ENDOV: variants seen among roughly 807,000 people sequenced by gnomAD.
The protein encoded by ENDOV is hEndoV.
A neutral mutation model predicts 39.4 loss-of-function variants in ENDOV; 37 were observed. That is an observed-to-expected ratio of 0.94 (90% CI 0.72 to 1.23). ENDOV has a LOEUF of 1.23. Ranked by LOEUF, ENDOV falls within the 50% of genes most tolerant of loss-of-function variation. The pLI is 0.00. For synonymous variants in ENDOV, 186 were observed against 163.4 expected, an observed-to-expected ratio of 1.14 and a Z score of -1.05; for missense variants, 441 against 375.7, an observed-to-expected ratio of 1.17 and a Z score of -1.44.
intron 9 of ENDOV, among the ~76,000 whole-genome samples, chr17:80,432,775 G>A (rs2083406668): frequency 6.6e-6 from 1 of 152,072 alleles, no homozygotes; most frequent in Non-Finnish European, 1.5e-5. Flanking sequence ...ATGGGGGCGT[G>A]TGGGGGTCTA....
chr17:80,426,815 C>T (rs1349721773), intron 7 of ENDOV, among the ~76,000 whole-genome samples: 1 of 152,248 alleles, frequency 6.6e-6, no homozygotes, highest in African/African-American at 2.4e-5. Flanking sequence ...GGGGCGCCCG[C>T]AGATTGGCCT....
chr17:80,421,177 AGGTCCC>A (rs2081967754), intron 2 of ENDOV, among the ~76,000 whole-genome samples: 1 of 151,800 alleles, frequency 6.6e-6, no homozygotes, highest in African/African-American at 2.4e-5. Flanking sequence ...CCTATGGACC[AGGTCCC>A]GGAGGCTCCT....
At chr17:80,430,082 C>T in intron 9 of ENDOV, 1 of 1,535,622 alleles carries the variant, frequency 6.5e-7, no homozygotes, top group Non-Finnish European at 8.7e-7. Context: ...CCGCACCACC[C>T]CAGGGGGACG....
At chr17:80,428,710 T>G in intron 8 of ENDOV, 50 bp downstream of exon 8, 1 of 1,520,762 alleles carries the variant, frequency 6.6e-7, no homozygotes, top group Non-Finnish European at 8.9e-7. Context: ...CACAGACACC[T>G]GCATGGGCTG....
At chr17:80,417,596 T>C (rs1466186556) in intron 2 of ENDOV, 1 of 152,254 alleles carries the variant, frequency 6.6e-6, no homozygotes, top group African/African-American at 2.4e-5. Flanking sequence ...TGTTCTCACA[T>C]GGTGATCCAC....
intron 9 of ENDOV, among the ~76,000 whole-genome samples, chr17:80,432,223 C>G (rs758093521): frequency 3.3e-5 from 5 of 152,230 alleles, no homozygotes; most frequent in Non-Finnish European, 7.4e-5. Context: ...ACACATAGGT[C>G]TCTTGCCCAG....
rs2083600894 is a variant in ENDOV at position 80,436,534 on chromosome 17, G to A, written c.*391G>A. ...TTCTGGCCTCTATTGAAAAGATCCT[G>A]TGTTCTTCTGTGAATATGAGGTGTT... On this transcript the variant is annotated 3_prime_UTR_variant, in exon 10 of 10. Coordinates refer to ENST00000518137, the MANE Select transcript of ENDOV (RefSeq NM_173627.5). The A allele has an allele frequency of 7.5e-6, 3 of 402,332 alleles. No homozygotes were observed. The highest frequency in any genetic ancestry group is 1.3e-5 in the Non-Finnish European group (3 of 232,878). The allele number at this position is 402,332 out of a possible 1,614,324, so 24.9% of individuals were successfully genotyped here.
intron 9 of ENDOV, among the ~76,000 whole-genome samples, chr17:80,435,003 T>C (rs1012691899): frequency 6.6e-6 from 1 of 152,212 alleles, no homozygotes; most frequent in African/African-American, 2.4e-5. Flanking sequence ...CTAATGGTGG[T>C]GAGCGCCTTC....
Position 80,436,293 on chromosome 17 carries a change from G to A in ENDOV, c.*150G>A, listed in dbSNP as rs1254194117. The A allele has an allele frequency of 1.8e-5, 28 of 1,556,198 alleles. No individual in the cohort carries two copies. In the African/African-American group the frequency reaches 2.9e-4, roughly 16 times the overall value. ...ATCGAACGCGGTGGTGAGAGCACAC[G>A]TCCTCGTCTCGTTCCTGATCGAACG... On this transcript the variant is annotated 3_prime_UTR_variant, in exon 10 of 10. Transcript: ENST00000518137.
At chr17:80,421,265 G>GGGAATCCTACAGACCAGGTCCCA (rs1568217449) in intron 2 of ENDOV, among the ~76,000 whole-genome samples, 1 of 39,250 alleles carries the variant, frequency 2.5e-5, no homozygotes. Context: ...ACTAGATCCC[G>GGGAATCCTACAGACCAGGTCCCA]GGGAATCTTC....
At chr17:80,434,191 C>CCTGCTGTGGGCGCCATGCAGGT (rs2083478915) in intron 9 of ENDOV, among the ~76,000 whole-genome samples, 1 of 151,978 alleles carries the variant, frequency 6.6e-6, no homozygotes. Context: ...GCCATGCAGG[C>CCTGCTGTGGGCGCCATGCAGGT]GTGGAATCAC....
chr17:80,419,410 T>C, intron 2 of ENDOV: 2 of 601,052 alleles, frequency 3.3e-6, no homozygotes, highest in Non-Finnish European at 3.0e-6. Flanking sequence ...GGCTGGTGTG[T>C]GCTGCTCCGC....
intron 2 of ENDOV, chr17:80,417,602 TC>T (rs761529198): frequency 6.6e-6 from 1 of 152,194 alleles, no homozygotes; most frequent in Non-Finnish European, 1.5e-5. Context: ...CACATGGTGA[TC>T]CACTCACCTC....
At chr17:80,415,344 G>A in intron 1 of ENDOV, 94 bp downstream of exon 1, 1 of 1,453,114 alleles carries the variant, frequency 6.9e-7, no homozygotes, top group South Asian at 1.2e-5. Flanking sequence ...CTGTGGAATC[G>A]GAGCTGCCAC....
At chr17:80,426,875 A>G (rs551426950) in intron 7 of ENDOV, among the ~76,000 whole-genome samples, 1 of 152,328 alleles carries the variant, frequency 6.6e-6, no homozygotes, top group East Asian at 1.9e-4. Flanking sequence ...GCAGGTCTGC[A>G]CAAGCCATGC....
intron 5 of ENDOV, 142 bp from the exon 6 acceptor site, chr17:80,424,890 G>A: frequency 1.5e-6 from 1 of 661,196 alleles, no homozygotes; most frequent in African/African-American, 1.8e-5. Context: ...GGGAGGCAGA[G>A]GTTGCAGTGA....
rs370252560 is a variant in ENDOV, at chr17:80,423,545, C to T, written c.429C>T (p.Gly143=). ...HRGFGVACHL[G]VLTDLPCVGV... ...GCTTTGGGGTGGCCTGCCACCTTGG[C>T]GTCCTTACAGACCTGCCGTGTGTTG... The change falls in exon 5 of 10, where the codon GGC becomes GGT. Residue 143 remains glycine, a synonymous_variant. Transcript: ENST00000518137. 2.3e-5 allele frequency: 36 copies of T among 1,548,750 alleles called. No individual in the cohort carries two copies. Among genetic ancestry groups the T allele is most frequent in the East Asian group, 9.8e-5 (4 of 40,858 alleles).
intron 9 of ENDOV, chr17:80,433,186 C>T (rs777263931): frequency 3.8e-6 from 2 of 519,984 alleles, no homozygotes; most frequent in African/African-American, 3.8e-5. Flanking sequence ...TGGCTGAGAT[C>T]CCACTGTCTC....
Position 80,421,864 on chromosome 17 carries a change from G to C in ENDOV, c.265G>C (p.Ala89Pro), listed in dbSNP as rs753126824. 3.7e-6 allele frequency: 6 copies of C among 1,604,372 alleles called. No homozygotes were observed. In the Admixed American group the frequency reaches 1.0e-4, roughly 27 times the overall value. ...YEESRMVSLT[A>P]PYVSGFLAFR... ...GGAGAGCCGCATGGTCAGCCTCACAGCCCCCTACGTGTCGGGCTTCCTGGC... is the reference window on the plus strand; with the variant it reads ...GGAGAGCCGCATGGTCAGCCTCACACCCCCCTACGTGTCGGGCTTCCTGGC... The change falls in exon 3 of 10, where the codon GCC (alanine) becomes CCC (proline). Residue 89 changes from alanine (A) to proline (P), a missense_variant. Physicochemically the swap from Ala to Pro is conservative, Grantham distance 27 (BLOSUM62 -1). Coordinates refer to ENST00000518137, the MANE Select transcript of ENDOV (RefSeq NM_173627.5).
Sources: gnomAD v4.1 joint callset for allele counts (sites outside exome capture counted in the v4.1 genomes callset) on GRCh38, gnomAD v4.1.1 for gene constraint, MANE v1.5 for transcripts, NCBI Gene and HGNC (gene_info 2026-07-23, HGNC 2026-07-21) for gene names.